Variants in VPS35L observed in about 807,000 individuals in gnomAD.
VPS35L encodes the protein VPS35 endosomal protein-sorting factor-like.
Under a neutral mutation model 133.0 loss-of-function variants are expected in VPS35L, and 83 were observed. That is an observed-to-expected ratio of 0.62 (90% CI 0.52 to 0.75). The LOEUF (loss-of-function observed/expected upper bound fraction) is 0.75, where lower values mean the gene tolerates loss of function less well. Ranked by LOEUF, VPS35L falls within the 30% of genes least tolerant of loss-of-function variation. The pLI is 0.00. For synonymous variants in VPS35L, 423 were observed against 449.9 expected (o/e 0.94, Z 0.76); for missense variants, 1,083 against 1,206.8 (o/e 0.90, Z 1.52).
At chr16:19,573,896 A>G (rs930772695) in intron 4 of VPS35L, among the ~76,000 whole-genome samples, 1 of 152,200 alleles carries the variant, frequency 6.6e-6, no homozygotes, top group African/African-American at 2.4e-5. Flanking sequence ...GTCACTCAGT[A>G]AGTCCCATAT....
At position 19,608,201 on chromosome 16, in the gene VPS35L, A is replaced by G. The variant is rs3208062; in HGVS notation, c.808A>G (p.Asn270Asp). ...AGATCACTTTTCTCCAGAGAATGCA[A>G]ATGACACGGCCAAGGAAACATGCCT... ...LPDHFSPENA[N>D]DTAKETCLNW... Residue 270 changes from asparagine to aspartate, a missense_variant, in exon 10 of 31, where the codon AAT becomes GAT. Transcript: ENST00000417362. The G allele has an allele frequency of 2.5e-6, 4 of 1,613,594 alleles. No individual in the cohort carries two copies. The highest frequency in any genetic ancestry group is 2.5e-6 in the Non-Finnish European group (3 of 1,179,630).
rs1480721531 is a variant in VPS35L at position 19,610,315 on chromosome 16, C to T, written c.930-7C>T. The T allele has an allele frequency of 1.2e-5, 19 of 1,613,260 alleles. No homozygotes were observed. Among genetic ancestry groups the T allele is most frequent in the Non-Finnish European group, 1.6e-5 (19 of 1,179,486 alleles). On this transcript the variant is annotated splice_polypyrimidine_tract_variant and splice_region_variant and intron_variant, in intron 11 of 30. Coordinates refer to ENST00000417362, the MANE Select transcript of VPS35L (RefSeq NM_020314.7). Reference sequence around the variant, plus strand: ...ATATAATGCTGGCCTGTTTTTGTCTCTTGCAGGGGAATTTCAGAGTGCCTG... The same window carrying T: ...ATATAATGCTGGCCTGTTTTTGTCTTTTGCAGGGGAATTTCAGAGTGCCTG...
At chr16:19,640,675 CTG>C (rs1181696213) in intron 21 of VPS35L, among the ~76,000 whole-genome samples, 1 of 152,140 alleles carries the variant, frequency 6.6e-6, no homozygotes, top group Non-Finnish European at 1.5e-5. Flanking sequence ...TTGATTAAGT[CTG>C]TGTTTCCCAA....
At chr16:19,565,020 C>A in intron 2 of VPS35L, 70 bp downstream of exon 2, 1 of 1,250,656 alleles carries the variant, frequency 8.0e-7, no homozygotes, top group Non-Finnish European at 1.1e-6. Context: ...CTTCCTGAGT[C>A]TTTTCCGTTT....
At chr16:19,576,990 A>G (rs1047858316) in intron 5 of VPS35L, among the ~76,000 whole-genome samples, 10 of 152,162 alleles carry the variant, frequency 6.6e-5, no homozygotes, top group African/African-American at 2.2e-4. Context: ...TACAGGTGTG[A>G]GCTACCACGC....
intron 26 of VPS35L, among the ~76,000 whole-genome samples, chr16:19,667,280 G>A (rs1974725719): frequency 6.6e-6 from 1 of 151,950 alleles, no homozygotes; most frequent in African/African-American, 2.4e-5. Context: ...TCTTACTAGT[G>A]GTCACAAGAT....
chr16:19,640,996 C>A (rs1973770640), intron 21 of VPS35L, among the ~76,000 whole-genome samples: 5 of 152,182 alleles, frequency 3.3e-5, no homozygotes, highest in African/African-American at 4.8e-5. Context: ...CATCCATCCA[C>A]CTCAAAGTGC....
chr16:19,699,610 C>T lies in VPS35L; in HGVS notation c.2755C>T (p.Leu919=), dbSNP rs1976041000. 1.2e-6 allele frequency: 2 copies of T among 1,614,120 alleles called. No individual in the cohort carries two copies. Among genetic ancestry groups the T allele is most frequent in the Middle Eastern group, 1.6e-4 (1 of 6,062 alleles). ...LNQLSVNLWH[L]AQRHGCADTR... is the part of the protein sequence containing the mutation. ...CCAGCTCTCCGTCAACCTGTGGCAC[C>T]TGGCACAGAGGCACGGCTGTGCAGA... Residue 919 remains leucine, a synonymous_variant, in exon 30 of 31, where the codon CTG becomes TTG. Transcript: ENST00000417362. The surrounding 1 kb of genome is among the most constrained non-coding windows in gnomAD (Gnocchi z 4.2).
chr16:19,676,373 C>T lies in VPS35L; in HGVS notation c.2362-5852C>T, dbSNP rs572670761. Among the ~76,000 whole-genome samples, 4 of 152,336 alleles carry T rather than the reference C, an allele frequency of 2.6e-5. No individual in the cohort carries two copies. In the East Asian group the frequency reaches 5.8e-4, roughly 22 times the overall value. On this transcript the variant is annotated intron_variant, in intron 27 of 30. Coordinates refer to ENST00000417362, the MANE Select transcript of VPS35L (RefSeq NM_020314.7). ...CAGTCCCCAGGGTGGCCCTCTCTCC[C>T]CTGCAGACAGAGAACTTTTTGGAGC...
In VPS35L at chr16:19,608,954, T is replaced by C; in HGVS notation, c.882-20T>C. The C allele has an allele frequency of 6.2e-7, 1 of 1,612,164 alleles. No individual in the cohort carries two copies. The highest frequency in any genetic ancestry group is 8.5e-7 in the Non-Finnish European group (1 of 1,178,396). ...GTAGACCTTCTGGAAAACATCTTCC[T>C]TAACAGGATGTTTTTGTAGTTACGT... is the stretch of plus-strand genomic sequence containing the variant. On this transcript the variant is annotated intron_variant, in intron 10 of 30. Coordinates refer to ENST00000417362, the MANE Select transcript of VPS35L (RefSeq NM_020314.7).
At chr16:19,641,586 T>G (rs1973790223) in intron 21 of VPS35L, among the ~76,000 whole-genome samples, 1 of 152,214 alleles carries the variant, frequency 6.6e-6, no homozygotes, top group Admixed American at 6.5e-5. Context: ...TTCTAAAAGA[T>G]TAATTCCTTC....
At chr16:19,561,216 A>G (rs1971018817) in intron 1 of VPS35L, among the ~76,000 whole-genome samples, 1 of 151,862 alleles carries the variant, frequency 6.6e-6, no homozygotes, top group African/African-American at 2.4e-5. Flanking sequence ...TAAAAATACA[A>G]AAAAATTAGC....
At chr16:19,694,207 C>T (rs1403043988) in intron 29 of VPS35L, 2 of 152,146 alleles carry the variant, frequency 1.3e-5, no homozygotes, top group African/African-American at 2.4e-5. Flanking sequence ...CATAAATACA[C>T]ACAAATATTA....
Position 19,642,437 on chromosome 16 carries a change from C to A in VPS35L, c.1826C>A (p.Ala609Asp). 6.2e-7 allele frequency: 1 copy of A among 1,613,802 alleles called. No homozygotes were observed. The highest frequency in any genetic ancestry group is 8.5e-7 in the Non-Finnish European group (1 of 1,179,804). The change falls in exon 22 of 31, where the codon GCC becomes GAC. Residue 609 changes from alanine (A) to aspartate (D), a missense_variant. Transcript: ENST00000417362. ...ACCAAGGACCCGGTCATCTTGAATGCCCTTTTGCATGTTTGCAAGACCATG... is the reference window on the plus strand; with the variant it reads ...ACCAAGGACCCGGTCATCTTGAATGACCTTTTGCATGTTTGCAAGACCATG... Reference protein sequence around the residue: ...EPTKDPVILNALLHVCKTMHD... With the variant: ...EPTKDPVILNDLLHVCKTMHD...
intron 26 of VPS35L, among the ~76,000 whole-genome samples, chr16:19,662,037 T>TA (rs57236310): frequency 0.21 from 31,631 of 151,720 alleles, 6,127 homozygotes; most frequent in African/African-American, 0.51. Flanking sequence ...AAATATGAAT[T>TA]AAAAAAAACT....
chr16:19,627,515 G>T (rs1025833479), intron 15 of VPS35L, among the ~76,000 whole-genome samples, 179 bp from the exon 16 acceptor site: 1 of 152,158 alleles, frequency 6.6e-6, no homozygotes, highest in African/African-American at 2.4e-5. Context: ...TTGAGTTGCA[G>T]ATATGTACAG....
At chr16:19,630,059 A>T (rs1003519849) in intron 18 of VPS35L, among the ~76,000 whole-genome samples, 1 of 149,742 alleles carries the variant, frequency 6.7e-6, no homozygotes. Context: ...AAGTTAAACC[A>T]TTTTTTTTTT....
chr16:19,671,930 C>G (rs1181279153), intron 27 of VPS35L, among the ~76,000 whole-genome samples: 1 of 152,214 alleles, frequency 6.6e-6, no homozygotes, highest in Non-Finnish European at 1.5e-5. Context: ...GGGCCCCTCC[C>G]AGAGTCTCAC....
chr16:19,614,476 A>G (rs1441941231), intron 12 of VPS35L, among the ~76,000 whole-genome samples: 1 of 152,194 alleles, frequency 6.6e-6, no homozygotes, highest in African/African-American at 2.4e-5. Context: ...CAGTGGCACA[A>G]TCTTGCTCAC....
Sources: allele counts gnomAD v4.1 joint callset (sites outside exome capture counted in the v4.1 genomes callset), GRCh38; gene constraint gnomAD v4.1.1; non-coding constraint Gnocchi (gnomAD v3.1); transcripts MANE v1.5; gene names NCBI Gene and HGNC (gene_info 2026-07-23, HGNC 2026-07-21).